PTPRM: variants seen among roughly 807,000 people sequenced by gnomAD.
The protein encoded by PTPRM is protein tyrosine phosphatase receptor type M.
A neutral mutation model predicts 186.7 loss-of-function variants in PTPRM; 47 were observed. The observed-to-expected ratio is 0.25, with a 90% CI of 0.20 to 0.32. PTPRM has a LOEUF of 0.32. Among genes scored for constraint, PTPRM ranks in the 10% least tolerant of loss-of-function variants. The pLI, the probability that PTPRM is intolerant of heterozygous loss-of-function variation, is 1.00. For missense variants in PTPRM, 1,494 were observed against 1,865.0 expected (o/e 0.80, Z 3.66); for synonymous variants, 668 against 674.9 (o/e 0.99, Z 0.16).
chr18:8,208,237 CA>C (rs1309735896), intron 14 of PTPRM, among the ~76,000 whole-genome samples: 1 of 152,216 alleles, frequency 6.6e-6, no homozygotes, highest in Non-Finnish European at 1.5e-5. Flanking sequence ...CCACAGTAAA[CA>C]CCCTCAGTAT....
At chr18:7,679,168 C>T (rs543825706) in intron 1 of PTPRM, among the ~76,000 whole-genome samples, 46 of 152,308 alleles carry the variant, frequency 3.0e-4, no homozygotes, top group African/African-American at 1.0e-3. Context: ...TCTGTAACTC[C>T]AAGATATGTA....
At chr18:8,335,925 G>A (rs1457607317) in intron 22 of PTPRM, among the ~76,000 whole-genome samples, 1 of 152,162 alleles carries the variant, frequency 6.6e-6, no homozygotes, top group East Asian at 1.9e-4. Context: ...TGGAGGTTGA[G>A]CCAGGAGAAT....
chr18:8,245,287 A>G (rs771100756), intron 15 of PTPRM, among the ~76,000 whole-genome samples: 1 of 152,074 alleles, frequency 6.6e-6, no homozygotes, highest in East Asian at 1.9e-4. Flanking sequence ...TTCTGCTTGT[A>G]GCGGCTGCAG....
chr18:7,633,261 G>C (rs1041318405), intron 1 of PTPRM, among the ~76,000 whole-genome samples: 4 of 152,040 alleles, frequency 2.6e-5, no homozygotes, highest in African/African-American at 9.7e-5. Flanking sequence ...AATTCAAAGG[G>C]GTTCAGATTT....
chr18:8,160,782 A>G (rs765031058), intron 14 of PTPRM, among the ~76,000 whole-genome samples: 1 of 152,222 alleles, frequency 6.6e-6, no homozygotes, highest in African/African-American at 2.4e-5. Flanking sequence ...GTCTCACTGC[A>G]TCATTGTATG....
chr18:7,729,520 A>G (rs599960), intron 1 of PTPRM, among the ~76,000 whole-genome samples: 97,084 of 151,896 alleles, frequency 0.64, 32,978 homozygotes, highest in East Asian at 0.99. Context: ...TTATTTTATA[A>G]TAAGGCTGAA....
intron 22 of PTPRM, among the ~76,000 whole-genome samples, chr18:8,336,309 A>G (rs1236440541): frequency 6.6e-6 from 1 of 152,120 alleles, no homozygotes; most frequent in African/African-American, 2.4e-5. Context: ...CTGCAATCCC[A>G]GCACTTTGAG....
chr18:8,258,229 A>G (rs1041491898), intron 19 of PTPRM, among the ~76,000 whole-genome samples: 3 of 152,206 alleles, frequency 2.0e-5, no homozygotes, highest in African/African-American at 7.2e-5. Context: ...CTGACAAGCA[A>G]AGGGCAGTCT....
chr18:8,356,775 A>C (rs2095565676), intron 23 of PTPRM, among the ~76,000 whole-genome samples: 1 of 152,174 alleles, frequency 6.6e-6, no homozygotes, highest in African/African-American at 2.4e-5. Context: ...CAAATCCTCC[A>C]GGTACTAGTG....
At chr18:8,001,033 G>C (rs2083842234) in intron 7 of PTPRM, among the ~76,000 whole-genome samples, 1 of 152,158 alleles carries the variant, frequency 6.6e-6, no homozygotes, top group African/African-American at 2.4e-5. Flanking sequence ...AGTGAAAATA[G>C]CATTTTCAAG....
chr18:8,092,057 T>C (rs539860576), intron 11 of PTPRM, among the ~76,000 whole-genome samples: 1 of 152,278 alleles, frequency 6.6e-6, no homozygotes, highest in South Asian at 2.1e-4. Context: ...TTCAATTGAT[T>C]TGATTTTTTT....
At chr18:8,211,398 T>G (rs1199791969) in intron 14 of PTPRM, among the ~76,000 whole-genome samples, 2 of 137,790 alleles carry the variant, frequency 1.5e-5, no homozygotes, top group African/African-American at 2.7e-5. Flanking sequence ...TTTTTTTTTT[T>G]TTTTGTTTGT....
At chr18:7,902,353 G>C (rs745592230) in intron 3 of PTPRM, among the ~76,000 whole-genome samples, 2 of 152,150 alleles carry the variant, frequency 1.3e-5, no homozygotes, top group African/African-American at 4.8e-5. Flanking sequence ...GAAATATGGG[G>C]CGAATTGGCT....
At chr18:7,699,508 A>C (rs1427999329) in intron 1 of PTPRM, among the ~76,000 whole-genome samples, 4 of 152,086 alleles carry the variant, frequency 2.6e-5, no homozygotes, top group African/African-American at 9.7e-5. Flanking sequence ...TCCCAGGTTC[A>C]AGTGATTCTC....
intron 7 of PTPRM, among the ~76,000 whole-genome samples, chr18:8,067,897 T>C (rs76377847): frequency 0.022 from 3,403 of 152,310 alleles, 113 homozygotes; most frequent in African/African-American, 0.077. Flanking sequence ...TTTAAATTCA[T>C]TGGATCTTTA....
intron 14 of PTPRM, among the ~76,000 whole-genome samples, chr18:8,144,073 C>A (rs1446969777): frequency 2.6e-5 from 4 of 152,176 alleles, no homozygotes; most frequent in Non-Finnish European, 5.9e-5. Flanking sequence ...GCCACTTATT[C>A]ACCAGGAAAT....
chr18:8,337,843 G>A (rs2095449150), intron 22 of PTPRM, among the ~76,000 whole-genome samples: 1 of 152,180 alleles, frequency 6.6e-6, no homozygotes, highest in Non-Finnish European at 1.5e-5. Flanking sequence ...CACAGTCCAG[G>A]CACAGACTGT....
chr18:8,091,956 T>C (rs1396871648), intron 11 of PTPRM, among the ~76,000 whole-genome samples: 1 of 152,166 alleles, frequency 6.6e-6, no homozygotes, highest in African/African-American at 2.4e-5. Context: ...AGGAGGGAAA[T>C]GGAAGCGAAC....
intron 1 of PTPRM, among the ~76,000 whole-genome samples, chr18:7,621,369 T>A (rs2037933609): frequency 6.6e-6 from 1 of 152,140 alleles, no homozygotes; most frequent in Non-Finnish European, 1.5e-5. Flanking sequence ...GTGCTAGAGT[T>A]CCCATATAGC....
Sources: gnomAD v4.1 joint callset for allele counts (sites outside exome capture counted in the v4.1 genomes callset) on GRCh38, gnomAD v4.1.1 for gene constraint, MANE v1.5 for transcripts, NCBI Gene and HGNC (gene_info 2026-07-23, HGNC 2026-07-21) for gene names.